Variants in DSCAM observed in about 807,000 individuals in gnomAD.
DSCAM encodes DS cell adhesion molecule, also known as cell adhesion molecule DSCAM.
Under a neutral mutation model 217.7 loss-of-function variants are expected in DSCAM, and 47 were observed. The ratio of observed to expected loss-of-function variants is 0.22; its 90% CI spans 0.17 to 0.28. The LOEUF is 0.28. DSCAM is among the 10% of genes least tolerant of loss of function. The pLI is 1.00. For synonymous variants in DSCAM, 1,056 were observed against 1,015.3 expected, an observed-to-expected ratio of 1.04 and a Z score of -0.76; for missense variants, 2,080 against 2,618.3, an observed-to-expected ratio of 0.79 and a Z score of 4.49.
chr21:40,814,184 C>A (rs530101770), intron 1 of DSCAM, among the ~76,000 whole-genome samples: 11 of 152,314 alleles, frequency 7.2e-5, no homozygotes, highest in African/African-American at 2.4e-4. Flanking sequence ...TTATTTGTGG[C>A]CTCCAGCATG....
chr21:40,592,216 T>C lies in DSCAM; in HGVS notation c.508+100594A>G, dbSNP rs139220070. On this transcript the variant is annotated intron_variant, in intron 3 of 32. Coordinates refer to ENST00000400454, the MANE Select transcript of DSCAM (RefSeq NM_001389.5). ...TTAAATTTTTCAGGTGAGAAATTACTCTGATAATGCAATTAGTCTGTAAGG... is the reference window on the plus strand; with the variant it reads ...TTAAATTTTTCAGGTGAGAAATTACCCTGATAATGCAATTAGTCTGTAAGG... 1.2e-4 allele frequency among the ~76,000 whole-genome samples: 18 copies of C among 152,336 alleles called. No homozygotes were observed. The East Asian group carries it at 3.3e-3, about 28-fold the overall frequency.
intron 11 of DSCAM, among the ~76,000 whole-genome samples, chr21:40,225,123 C>A (rs423520): frequency 0.55 from 84,222 of 152,132 alleles, 25,227 homozygotes; most frequent in African/African-American, 0.79. Flanking sequence ...GCCAGGCCAA[C>A]TGCATGAAAG....
chr21:40,543,726 A>G (rs558971637), intron 3 of DSCAM, among the ~76,000 whole-genome samples: 8 of 152,106 alleles, frequency 5.3e-5, no homozygotes, highest in African/African-American at 1.9e-4. Context: ...AGTACTTCTC[A>G]TGAGTCTCTG....
intron 11 of DSCAM, among the ~76,000 whole-genome samples, chr21:40,192,566 C>G (rs1251054793): frequency 3.9e-5 from 6 of 152,200 alleles, no homozygotes; most frequent in Non-Finnish European, 7.3e-5. Flanking sequence ...AGCCTCCTTC[C>G]TTTATAAATT....
At chr21:40,045,651 C>T (rs74958666) in intron 30 of DSCAM, among the ~76,000 whole-genome samples, 5,002 of 152,240 alleles carry the variant, frequency 0.033, 161 homozygotes, top group East Asian at 0.14. Context: ...AGCTTAAGGT[C>T]CTAGATGGGT....
intron 18 of DSCAM, among the ~76,000 whole-genome samples, chr21:40,141,085 G>A (rs1021982164): frequency 6.6e-6 from 1 of 152,208 alleles, no homozygotes; most frequent in Non-Finnish European, 1.5e-5. Flanking sequence ...AAAGGCCTAT[G>A]CTCGCTGAGC....
intron 1 of DSCAM, among the ~76,000 whole-genome samples, chr21:40,735,019 A>G (rs761306445): frequency 1.3e-5 from 2 of 152,204 alleles, no homozygotes; most frequent in Non-Finnish European, 2.9e-5. Flanking sequence ...CTGGTCAACT[A>G]TTCACAAATG....
At chr21:40,354,274 G>C (rs1210907655) in intron 4 of DSCAM, among the ~76,000 whole-genome samples, 1 of 152,134 alleles carries the variant, frequency 6.6e-6, no homozygotes, top group Non-Finnish European at 1.5e-5. Flanking sequence ...CAAGTACACT[G>C]ATTTGATTTT....
intron 3 of DSCAM, among the ~76,000 whole-genome samples, chr21:40,626,179 G>C (rs1291822663): frequency 6.6e-6 from 1 of 152,086 alleles, no homozygotes; most frequent in African/African-American, 2.4e-5. Context: ...GGACAGAGGA[G>C]TGTTGCGCAA....
chr21:40,716,501 A>T (rs923419310), intron 1 of DSCAM, among the ~76,000 whole-genome samples: 2 of 152,226 alleles, frequency 1.3e-5, no homozygotes, highest in African/African-American at 4.8e-5. Context: ...GGGTACCAAC[A>T]CTAAGGGAGC....
chr21:40,012,952 T>C lies in DSCAM; in HGVS notation c.*82A>G, dbSNP rs1271448441. ...TTTGGCAATTTTCTTTAATTATAAA[T>C]ATTGGAATTCCGTAAAAAAAAGGTA... On this transcript the variant is annotated 3_prime_UTR_variant, in exon 33 of 33. Coordinates refer to ENST00000400454, the MANE Select transcript of DSCAM (RefSeq NM_001389.5). The C allele has an allele frequency of 4.8e-6, 5 of 1,034,352 alleles. No individual in the cohort carries two copies. The highest frequency in any genetic ancestry group is 6.4e-6 in the Non-Finnish European group (5 of 779,502). 64.1% of individuals were successfully genotyped at this position (1,034,352 alleles called of 1,614,324 possible). A position where few individuals can be genotyped will look rare whatever the true frequency, so the allele number is the denominator to read the frequency against.
intron 3 of DSCAM, among the ~76,000 whole-genome samples, chr21:40,403,519 T>C (rs987019160): frequency 2.0e-5 from 3 of 152,210 alleles, no homozygotes; most frequent in East Asian, 1.9e-4. Flanking sequence ...ATCAGACTTG[T>C]GGTTTAACAA....
intron 8 of DSCAM, among the ~76,000 whole-genome samples, chr21:40,317,473 T>A (rs1278007456): frequency 6.6e-6 from 1 of 152,232 alleles, no homozygotes; most frequent in Non-Finnish European, 1.5e-5. Context: ...CAAGTTTATC[T>A]TTTTTATTTC....
At chr21:40,218,462 C>T (rs923424330) in intron 11 of DSCAM, among the ~76,000 whole-genome samples, 7 of 152,096 alleles carry the variant, frequency 4.6e-5, no homozygotes, top group Non-Finnish European at 7.4e-5. Flanking sequence ...CTTAAGATTG[C>T]TTTGGCTTTC....
chr21:40,608,200 G>A (rs766823663), intron 3 of DSCAM, among the ~76,000 whole-genome samples: 42 of 152,206 alleles, frequency 2.8e-4, no homozygotes, highest in Non-Finnish European at 5.1e-4. Context: ...TCCTAAAAAC[G>A]TGATGACATC....
chr21:40,461,593 C>A (rs1474649362), intron 3 of DSCAM, among the ~76,000 whole-genome samples: 1 of 152,148 alleles, frequency 6.6e-6, no homozygotes, highest in African/African-American at 2.4e-5. Flanking sequence ...AATCCCCCCA[C>A]AAATACGTTT....
intron 27 of DSCAM, among the ~76,000 whole-genome samples, chr21:40,065,175 G>T (rs1029336657): frequency 1.6e-4 from 24 of 152,174 alleles, no homozygotes; most frequent in African/African-American, 5.8e-4. Context: ...TGCAGAGCTG[G>T]ATGTAGTAAC....
intron 1 of DSCAM, among the ~76,000 whole-genome samples, chr21:40,795,126 C>T (rs770411770): frequency 1.3e-5 from 2 of 151,924 alleles, no homozygotes; most frequent in African/African-American, 4.8e-5. Flanking sequence ...ACAACGCAAA[C>T]TCTCGGCCCC....
At chr21:40,385,538 C>A (rs114765763) in intron 3 of DSCAM, among the ~76,000 whole-genome samples, 1 of 152,162 alleles carries the variant, frequency 6.6e-6, no homozygotes, top group African/African-American at 2.4e-5. Context: ...ACATAAGAGA[C>A]GTACTAATAC....
Sources: allele counts gnomAD v4.1 joint callset (sites outside exome capture counted in the v4.1 genomes callset), GRCh38; gene constraint gnomAD v4.1.1; transcripts MANE v1.5; gene names NCBI Gene and HGNC (gene_info 2026-07-23, HGNC 2026-07-21).